Variants in CTNNB1 observed in about 807,000 individuals in gnomAD.
CTNNB1 encodes the protein catenin beta 1.
CTNNB1 carries 6 observed loss-of-function variants against 82.5 expected under a neutral mutation model. The ratio of observed to expected loss-of-function variants is 0.07; its 90% CI spans 0.04 to 0.14. The LOEUF (loss-of-function observed/expected upper bound fraction) is 0.14. Among genes scored for constraint, CTNNB1 ranks in the 10% least tolerant of loss-of-function variants. The probability of loss-of-function intolerance (pLI) is 1.00; values close to 1 mark genes in which losing one functional copy is unlikely to be tolerated. For synonymous variants in CTNNB1, 312 were observed against 329.7 expected, an observed-to-expected ratio of 0.95 and a Z score of 0.58; for missense variants, 529 against 980.4, an observed-to-expected ratio of 0.54 and a Z score of 6.15.
intron 1 of CTNNB1, among the ~76,000 whole-genome samples, chr3:41,214,522 T>C (rs1247113045): frequency 1.3e-5 from 2 of 152,236 alleles, no homozygotes; most frequent in African/African-American, 4.8e-5. Context: ...TCATGTGTGA[T>C]TTGGTCCAGC....
chr3:41,215,213 T>TAAAAAA (rs10576683), intron 1 of CTNNB1, among the ~76,000 whole-genome samples: 2 of 76,174 alleles, frequency 2.6e-5, no homozygotes, highest in Admixed American at 1.6e-4. Context: ...CTGTCTCCAT[T>TAAAAAA]AAAAAAAAAA....
Position 41,239,416 on chromosome 3 carries a change from A to G in CTNNB1, c.*74A>G. 7.2e-7 allele frequency: 1 copy of G among 1,380,486 alleles called. No individual in the cohort carries two copies. The highest frequency in any genetic ancestry group is 1.2e-5 in the South Asian group (1 of 81,180). The allele number at this position is 1,380,486 out of a possible 1,614,324, so 85.5% of individuals were successfully genotyped here. A position where few individuals can be genotyped will look rare whatever the true frequency, so the allele number is the denominator to read the frequency against. ...TTTTACTCTGCCTACAGAACTTCAG[A>G]AAGACTTGGTTGGTAGGGTGGGAGT... On this transcript the variant is annotated 3_prime_UTR_variant, in exon 15 of 15. Coordinates refer to ENST00000349496, the MANE Select transcript of CTNNB1 (RefSeq NM_001904.4).
intron 1 of CTNNB1, among the ~76,000 whole-genome samples, chr3:41,206,344 A>G (rs1466948038): frequency 6.6e-6 from 1 of 152,168 alleles, no homozygotes; most frequent in African/African-American, 2.4e-5. Flanking sequence ...AAAAAGCTGA[A>G]GTGTTAGGTT....
Position 41,225,942 on chromosome 3 carries a change from C to T in CTNNB1, c.936+81C>T. The T allele has an allele frequency of 7.3e-7, 1 of 1,366,014 alleles. No individual in the cohort carries two copies. The highest frequency in any genetic ancestry group is 1.8e-5 in the Admixed American group (1 of 54,060). The allele number at this position is 1,366,014 out of a possible 1,614,324, so 84.6% of individuals were successfully genotyped here. Reference sequence around the variant, plus strand: ...ATGTCATTCCATGCAGTGTTCCTAACCTTTTTGGCACCAGGGACCAGTTTC... The same window carrying T: ...ATGTCATTCCATGCAGTGTTCCTAATCTTTTTGGCACCAGGGACCAGTTTC... On this transcript the variant is annotated intron_variant, in intron 6 of 14. Coordinates refer to ENST00000349496, the MANE Select transcript of CTNNB1 (RefSeq NM_001904.4). This position sits in a 1 kb window ranked among gnomAD's most constrained non-coding sequence, Gnocchi z 5.3.
Position 41,225,310 on chromosome 3 carries a change from T to A in CTNNB1, c.496-24T>A, listed in dbSNP as rs761732637. 6.2e-7 allele frequency: 1 copy of A among 1,613,890 alleles called. No individual in the cohort carries two copies. Among genetic ancestry groups the A allele is most frequent in the Admixed American group, 1.7e-5 (1 of 59,966 alleles). ...AATACCAGTACTTGAAAACTAACGA[T>A]GTTTCTGAATTCCTGTATTACAGGT... On this transcript the variant is annotated intron_variant, in intron 4 of 14. Coordinates refer to ENST00000349496, the MANE Select transcript of CTNNB1 (RefSeq NM_001904.4). The surrounding 1 kb of genome is among the most constrained non-coding windows in gnomAD (Gnocchi z 5.3).
At chr3:41,230,797 T>C (rs1490507388) in intron 7 of CTNNB1, among the ~76,000 whole-genome samples, 3 of 152,232 alleles carry the variant, frequency 2.0e-5, no homozygotes, top group African/African-American at 7.2e-5. Context: ...CCATGTGCTA[T>C]GTCTTAGAAC....
At chr3:41,208,020 A>G (rs560386772) in intron 1 of CTNNB1, among the ~76,000 whole-genome samples, 12 of 152,130 alleles carry the variant, frequency 7.9e-5, no homozygotes, top group Non-Finnish European at 1.6e-4. Flanking sequence ...CTTTATTTCA[A>G]GCACCTGCAA....
At chr3:41,229,718 C>T (rs1241693701) in intron 7 of CTNNB1, among the ~76,000 whole-genome samples, 1 of 152,090 alleles carries the variant, frequency 6.6e-6, no homozygotes, top group Non-Finnish European at 1.5e-5. Flanking sequence ...CCCTGATATT[C>T]TGTATTCTCA....
chr3:41,215,213 T>TA (rs10576683), intron 1 of CTNNB1, among the ~76,000 whole-genome samples: 81 of 76,164 alleles, frequency 1.1e-3, no homozygotes, highest in African/African-American at 3.6e-3. Flanking sequence ...CTGTCTCCAT[T>TA]AAAAAAAAAA....
In CTNNB1 at chr3:41,239,921, A is replaced by AAT. The variant is rs1553633053; in HGVS notation, c.*579_*580insAT. ...ATCAAACCCTAGCCTTGCTTGTTAA[A>AAT]TTTTTTTTTTTTTTTTTTTAAGAAT... On this transcript the variant is annotated 3_prime_UTR_variant, in exon 15 of 15. Coordinates refer to ENST00000349496, the MANE Select transcript of CTNNB1 (RefSeq NM_001904.4). The AAT allele has an allele frequency of 4.2e-4, 67 of 158,822 alleles. No homozygotes were observed. The highest frequency in any genetic ancestry group is 1.0e-3 in the East Asian group (10 of 9,996). The allele number at this position is 158,822 out of a possible 1,614,324, so 9.8% of individuals were successfully genotyped here.
At chr3:41,218,904 G>A (rs2077976092) in intron 1 of CTNNB1, among the ~76,000 whole-genome samples, 1 of 152,096 alleles carries the variant, frequency 6.6e-6, no homozygotes, top group Non-Finnish European at 1.5e-5. Context: ...TCCCTTTGCT[G>A]CCCCCAGGCC....
At chr3:41,202,597 A>T (rs1411709911) in intron 1 of CTNNB1, among the ~76,000 whole-genome samples, 2 of 152,202 alleles carry the variant, frequency 1.3e-5, no homozygotes, top group Non-Finnish European at 2.9e-5. Context: ...GTATGTAGCC[A>T]TTGCCTCCTT....
chr3:41,225,004 A>G lies in CTNNB1; in HGVS notation c.292A>G (p.Met98Val), dbSNP rs760527240. Residue 98 changes from methionine (M) to valine (V), a missense_variant, in exon 4 of 15, where the codon ATG (methionine) becomes GTG (valine). By Grantham distance (21) the Met-to-Val change is conservative. This residue lies in a region of CTNNB1 where 411 missense variants were observed against 776.4 expected (regional missense o/e 0.53). Coordinates refer to ENST00000349496, the MANE Select transcript of CTNNB1 (RefSeq NM_001904.4). This position sits in a 1 kb window ranked among gnomAD's most constrained non-coding sequence, Gnocchi z 5.3. ...MTRAQRVRAA[M>V]FPETLDEGMQ... ...TCGAGCTCAGAGGGTACGAGCTGCT[A>G]TGTTCCCTGAGACATTAGATGAGGG... 8 of 1,613,924 alleles carry G rather than the reference A, an allele frequency of 5.0e-6. No homozygotes were observed. Among genetic ancestry groups the G allele is most frequent in the South Asian group, 1.1e-5 (1 of 91,076 alleles).
chr3:41,237,009 G>A (rs1439701691), intron 13 of CTNNB1: 1 of 562,016 alleles, frequency 1.8e-6, no homozygotes, highest in Non-Finnish European at 3.1e-6. Context: ...AAGGAAAGAG[G>A]CAGTGTTAAA....
chr3:41,238,994 G>A, intron 14 of CTNNB1, 140 bp from the exon 15 acceptor site: 1 of 750,232 alleles, frequency 1.3e-6, no homozygotes. Context: ...AGGTTGAAGA[G>A]GCTAGAAAGC....
intron 1 of CTNNB1, among the ~76,000 whole-genome samples, chr3:41,214,875 C>G (rs1290458947): frequency 6.6e-6 from 1 of 152,120 alleles, no homozygotes; most frequent in Non-Finnish European, 1.5e-5. Context: ...TGGAACACAG[C>G]CATCCATGCT....
chr3:41,238,235 T>TA, intron 14 of CTNNB1, 159 bp downstream of exon 14: 13 of 685,770 alleles, frequency 1.9e-5, no homozygotes, highest in Non-Finnish European at 3.2e-5. Context: ...ACAGTATCTT[T>TA]AATGGAGCAC....
chr3:41,211,580 A>C (rs544404816), intron 1 of CTNNB1, among the ~76,000 whole-genome samples: 3 of 152,176 alleles, frequency 2.0e-5, no homozygotes, highest in African/African-American at 7.2e-5. Context: ...CTTTATGTCC[A>C]TGTGTACCAA....
At chr3:41,205,627 G>C (rs1422354675) in intron 1 of CTNNB1, among the ~76,000 whole-genome samples, 4 of 151,912 alleles carry the variant, frequency 2.6e-5, no homozygotes. Flanking sequence ...AGTGAGCTGA[G>C]ATCACGCCAC....
Sources: allele counts gnomAD v4.1 joint callset (sites outside exome capture counted in the v4.1 genomes callset), GRCh38; gene constraint gnomAD v4.1.1; regional missense constraint gnomAD v4.1.1; non-coding constraint Gnocchi (gnomAD v3.1); transcripts MANE v1.5; gene names NCBI Gene and HGNC (gene_info 2026-07-23, HGNC 2026-07-21).